MRPL42: variants seen among roughly 807,000 people sequenced by gnomAD.
The protein encoded by MRPL42 is mitochondrial ribosomal protein L42, also known as large ribosomal subunit protein mL42.
Under a neutral mutation model 17.9 loss-of-function variants are expected in MRPL42, and 17 were observed. The observed-to-expected ratio is 0.95, with a 90% CI of 0.65 to 1.42. The LOEUF (loss-of-function observed/expected upper bound fraction) is 1.42. Ranked by LOEUF, MRPL42 falls within the 40% of genes most tolerant of loss-of-function variation. The pLI is 0.00. For synonymous variants in MRPL42, 59 were observed against 54.4 expected (o/e 1.08, Z -0.37); for missense variants, 177 against 175.2 (o/e 1.01, Z -0.06).
At chr12:93,480,396 C>T (rs1880401302) in intron 4 of MRPL42, among the ~76,000 whole-genome samples, 4 of 152,212 alleles carry the variant, frequency 2.6e-5, no homozygotes, top group South Asian at 4.1e-4. Context: ...GCTGGGATTA[C>T]AGGCATGAGC....
At chr12:93,500,447 A>T (rs1953568217) in intron 5 of MRPL42, among the ~76,000 whole-genome samples, 1 of 152,226 alleles carries the variant, frequency 6.6e-6, no homozygotes. Context: ...TCTCAAAAAC[A>T]AAAGGTTCCT....
chr12:93,485,196 T>G (rs118125452), intron 4 of MRPL42, among the ~76,000 whole-genome samples: 2,816 of 142,608 alleles, frequency 0.02, 37 homozygotes, highest in Non-Finnish European at 0.032. Flanking sequence ...AGGGTCTGTC[T>G]GTGTCACCAA....
intron 5 of MRPL42, among the ~76,000 whole-genome samples, chr12:93,494,472 T>C (rs930120882): frequency 1.3e-5 from 2 of 152,162 alleles, no homozygotes; most frequent in Non-Finnish European, 2.9e-5. Flanking sequence ...TCAAGAGTGG[T>C]ACCAAGGTTT....
chr12:93,497,089 A>G (rs1325267892), intron 5 of MRPL42, among the ~76,000 whole-genome samples: 1 of 152,094 alleles, frequency 6.6e-6, no homozygotes, highest in African/African-American at 2.4e-5. Context: ...AAAAACAACA[A>G]CCAAAAAGCT....
At chr12:93,476,838 A>AG in intron 2 of MRPL42, 116 bp from the exon 3 acceptor site, 1 of 908,676 alleles carries the variant, frequency 1.1e-6, no homozygotes, top group South Asian at 1.4e-5. Flanking sequence ...CCCCTAGCAC[A>AG]GGCCTGTTTC....
At chr12:93,498,143 G>C (rs1171647543) in intron 5 of MRPL42, among the ~76,000 whole-genome samples, 1 of 19,068 alleles carries the variant, frequency 5.2e-5, no homozygotes, top group Non-Finnish European at 1.1e-4. Flanking sequence ...CTCCTGTATT[G>C]GAATGTAAGA....
chr12:93,470,210 G>A (rs1408682138), intron 2 of MRPL42, among the ~76,000 whole-genome samples: 5 of 152,096 alleles, frequency 3.3e-5, no homozygotes, highest in Admixed American at 3.3e-4. Context: ...CTAAAGAACT[G>A]TATATAGTTA....
Position 93,479,404 on chromosome 12 carries a change from C to T in MRPL42, c.151C>T (p.Leu51=). 6.2e-7 allele frequency: 1 copy of T among 1,610,276 alleles called. No homozygotes were observed. The highest frequency in any genetic ancestry group is 2.2e-5 in the East Asian group (1 of 44,784). The change falls in exon 4 of 6, where the codon CTG becomes TTG. Residue 51 remains leucine, a synonymous_variant. Coordinates refer to ENST00000549982, the MANE Select transcript of MRPL42 (RefSeq NM_014050.4). ...TTTTTTTAGCAACGTAGAGCTTGCT[C>T]TGACTTCTGATGGCAGGACAATAGT... is the stretch of plus-strand genomic sequence containing the variant. ...DDYNCNVELA[L]TSDGRTIVCY...
rs1953768202 is a variant in MRPL42 at position 93,515,227 on chromosome 12, T to C, written c.*14006T>C. 6.6e-6 allele frequency: 1 copy of C among 152,154 alleles called. No homozygotes were observed. Among genetic ancestry groups the C allele is most frequent in the African/African-American group, 2.4e-5 (1 of 41,416 alleles). The allele number at this position is 152,154 out of a possible 1,614,324, so 9.4% of individuals were successfully genotyped here. On this transcript the variant is annotated 3_prime_UTR_variant, in exon 6 of 6. Transcript: ENST00000549982. ...AGGATGGGCTGGAACGGAAGCACGA[T>C]GGACTCCTGGGCACACCGTTAAGTG...
chr12:93,473,315 C>T (rs1296448531), intron 2 of MRPL42, among the ~76,000 whole-genome samples: 1 of 151,614 alleles, frequency 6.6e-6, no homozygotes, highest in African/African-American at 2.4e-5. Context: ...GGCTGGAGTG[C>T]AGTGGTGCAG....
rs1442177717 is a variant in MRPL42, at chr12:93,505,844, A to C, written c.*4623A>C. ...AATGAGCTCCTGTTTTTAGATGGAG[A>C]AATGGAGGCAGAGTCTCACAATTAC... is the stretch of plus-strand genomic sequence containing the variant. On this transcript the variant is annotated 3_prime_UTR_variant, in exon 6 of 6. Transcript: ENST00000549982. The C allele has an allele frequency of 6.6e-6, 1 of 151,736 alleles. No individual in the cohort carries two copies. Among genetic ancestry groups the C allele is most frequent in the Non-Finnish European group, 1.5e-5 (1 of 67,986 alleles). The allele number at this position is 151,736 out of a possible 1,614,324, so 9.4% of individuals were successfully genotyped here.
chr12:93,514,569 C>A lies in MRPL42; in HGVS notation c.*13348C>A, dbSNP rs1458093798. The A allele has an allele frequency of 6.6e-6, 1 of 152,056 alleles. No homozygotes were observed. The highest frequency in any genetic ancestry group is 1.5e-5 in the Non-Finnish European group (1 of 68,058). The allele number at this position is 152,056 out of a possible 1,614,324, so 9.4% of individuals were successfully genotyped here. On this transcript the variant is annotated 3_prime_UTR_variant, in exon 6 of 6. Transcript: ENST00000549982. Reference sequence around the variant, plus strand: ...TACAGGCATGAGCCACTGCACCTGGCCATTATTGGACAGTTTTAATGGAAA... The same window carrying A: ...TACAGGCATGAGCCACTGCACCTGGACATTATTGGACAGTTTTAATGGAAA...
intron 4 of MRPL42, 25 bp from the exon 5 acceptor site, chr12:93,487,472 A>G (rs377759260): frequency 2.4e-5 from 38 of 1,587,232 alleles, no homozygotes; most frequent in African/African-American, 1.4e-5. Context: ...CATCTTCATG[A>G]TGTTTGTTAC....
Position 93,494,925 on chromosome 12 carries a change from A to G in MRPL42, c.384-6251A>G, listed in dbSNP as rs1953468586. ...TGAGAAAAGTAACAGACACACCATC[A>G]GGAACTCTAGAGATATAGTGATACA... On this transcript the variant is annotated intron_variant, in intron 5 of 5. Transcript: ENST00000549982. 3.6e-5 allele frequency among the ~76,000 whole-genome samples: 3 copies of G among 83,696 alleles called. No homozygotes were observed. The South Asian group carries it at 9.6e-4, about 27-fold the overall frequency. 54.9% of individuals were successfully genotyped at this position (83,696 alleles called of 152,430 possible). A position where few individuals can be genotyped will look rare whatever the true frequency, so the allele number is the denominator to read the frequency against.
At chr12:93,484,993 T>TACAC (rs1441825701) in intron 4 of MRPL42, among the ~76,000 whole-genome samples, 1,522 of 27,660 alleles carry the variant, frequency 0.055, 288 homozygotes, top group African/African-American at 0.17. Flanking sequence ...TATATATATA[T>TACAC]ATATATATAT....
chr12:93,489,265 A>T (rs2121241111), intron 5 of MRPL42, among the ~76,000 whole-genome samples: 1 of 152,266 alleles, frequency 6.6e-6, no homozygotes, highest in East Asian at 1.9e-4. Flanking sequence ...TCACAGATAG[A>T]GGAAACAGCA....
rs1228977076 is a variant in MRPL42 at position 93,502,674 on chromosome 12, G to A, written c.*1453G>A. The A allele has an allele frequency of 6.6e-6, 1 of 152,154 alleles. No homozygotes were observed. The highest frequency in any genetic ancestry group is 1.5e-5 in the Non-Finnish European group (1 of 68,018). The allele number at this position is 152,154 out of a possible 1,614,324, so 9.4% of individuals were successfully genotyped here. On this transcript the variant is annotated 3_prime_UTR_variant, in exon 6 of 6. Transcript: ENST00000549982. ...AATATTTACCAGCTTTGTCGATGGT[G>A]TATTCTTGAAAAATGTTTGGTTTTC...
rs1328060496 is a variant in MRPL42, at chr12:93,506,339, C to T, written c.*5118C>T. 7.2e-6 allele frequency: 1 copy of T among 139,718 alleles called. No individual in the cohort carries two copies. Among genetic ancestry groups the T allele is most frequent in the East Asian group, 2.0e-4 (1 of 4,882 alleles). 8.7% of individuals were successfully genotyped at this position (139,718 alleles called of 1,614,324 possible). On this transcript the variant is annotated 3_prime_UTR_variant, in exon 6 of 6. Transcript: ENST00000549982. ...GGAGTGTAGTGGCACATTCTCAGCTCACTGCAACCTCCACCTCCCGGGTTC... is the reference window on the plus strand; with the variant it reads ...GGAGTGTAGTGGCACATTCTCAGCTTACTGCAACCTCCACCTCCCGGGTTC...
chr12:93,475,094 AAG>A (rs1410164468), intron 2 of MRPL42, among the ~76,000 whole-genome samples: 2 of 151,978 alleles, frequency 1.3e-5, no homozygotes, highest in Non-Finnish European at 2.9e-5. Flanking sequence ...GGAGAGTAAA[AAG>A]GATTTCATGG....
Sources: gnomAD v4.1 joint callset for allele counts (sites outside exome capture counted in the v4.1 genomes callset) on GRCh38, gnomAD v4.1.1 for gene constraint, MANE v1.5 for transcripts, NCBI Gene and HGNC (gene_info 2026-07-23, HGNC 2026-07-21) for gene names.